RFX6: variants seen among roughly 807,000 people sequenced by gnomAD.
RFX6 encodes DNA-binding protein RFX6.
A neutral mutation model predicts 110.8 loss-of-function variants in RFX6; 50 were observed. That is an observed-to-expected ratio of 0.45 (90% confidence interval 0.36 to 0.57). The LOEUF is 0.57. RFX6 is among the 20% of genes least tolerant of loss of function. RFX6 has a pLI of 0.00. For synonymous variants in RFX6, 383 were observed against 411.2 expected (o/e 0.93, Z 0.83); for missense variants, 990 against 1,127.0 (o/e 0.88, Z 1.74).
At position 116,877,289 on chromosome 6, in the gene RFX6, C is replaced by T. The variant is rs757303099; in HGVS notation, c.14C>T (p.Pro5Leu). 1.2e-6 allele frequency: 2 copies of T among 1,611,032 alleles called. No homozygotes were observed. Among genetic ancestry groups the T allele is most frequent in the Middle Eastern group, 3.3e-4 (2 of 6,034 alleles). MAKV[P>L]ELEDTFLQAQ... ...GCGGCCAGGAGGATGGCCAAGGTCC[C>T]GGAGCTGGAAGACACCTTCCTGCAG... The change falls in exon 1 of 19, where the codon CCG becomes CTG. Residue 5 changes from proline to leucine, a missense_variant. Transcript: ENST00000332958.
At chr6:116,891,362 G>A (rs1050190898) in intron 4 of RFX6, among the ~76,000 whole-genome samples, 1 of 152,140 alleles carries the variant, frequency 6.6e-6, no homozygotes, top group Non-Finnish European at 1.5e-5. Context: ...ATTTTACCAC[G>A]CTGAAAAGAG....
At chr6:116,922,941 A>G (rs975671780) in intron 13 of RFX6, among the ~76,000 whole-genome samples, 166 bp from the exon 14 acceptor site, 1 of 152,244 alleles carries the variant, frequency 6.6e-6, no homozygotes, top group African/African-American at 2.4e-5. Context: ...ATCAGCAAAG[A>G]CAGGCTAACA....
chr6:116,894,558 A>C (rs543493768), intron 5 of RFX6, among the ~76,000 whole-genome samples: 1 of 152,256 alleles, frequency 6.6e-6, no homozygotes, highest in East Asian at 1.9e-4. Flanking sequence ...GGTTTCTATG[A>C]AAGGTAAAAC....
chr6:116,904,702 C>T (rs922244074), intron 6 of RFX6, among the ~76,000 whole-genome samples: 19 of 152,158 alleles, frequency 1.2e-4, no homozygotes, highest in Non-Finnish European at 2.4e-4. Context: ...TGGCCACTAC[C>T]ATTCTACTTT....
At chr6:116,889,295 A>T (rs1260536681) in intron 4 of RFX6, among the ~76,000 whole-genome samples, 1 of 152,176 alleles carries the variant, frequency 6.6e-6, no homozygotes, top group Non-Finnish European at 1.5e-5. Flanking sequence ...TCCTAGAAGA[A>T]CACATTGATT....
intron 6 of RFX6, among the ~76,000 whole-genome samples, chr6:116,901,509 CAACAG>C (rs1775074159): frequency 1.3e-5 from 2 of 152,040 alleles, no homozygotes; most frequent in Non-Finnish European, 2.9e-5. Flanking sequence ...AAAGACAACC[CAACAG>C]AATTATAGCA....
Position 116,882,379 on chromosome 6 carries a change from A to C in RFX6, c.517A>C (p.Lys173Gln), listed in dbSNP as rs1161838140. Residue 173 changes from lysine (K) to glutamine (Q), a missense_variant, in exon 4 of 19, where the codon AAG (lysine) becomes CAG (glutamine). Coordinates refer to ENST00000332958, the MANE Select transcript of RFX6 (RefSeq NM_173560.4). Reference sequence around the variant, plus strand: ...TCTTTCTTTTTAGACAATTCGCCAGAAGTTTCCCCTCCTAACAACAAGGCG... The same window carrying C: ...TCTTTCTTTTTAGACAATTCGCCAGCAGTTTCCCCTCCTAACAACAAGGCG... Reference protein sequence around the residue: ...AATFGKTIRQKFPLLTTRRLG... With the variant: ...AATFGKTIRQQFPLLTTRRLG... 1.2e-6 allele frequency: 2 copies of C among 1,612,710 alleles called. No individual in the cohort carries two copies. Among genetic ancestry groups the C allele is most frequent in the East Asian group, 4.5e-5 (2 of 44,854 alleles).
In RFX6 at chr6:116,877,834, G is replaced by C; in HGVS notation, c.262G>C (p.Glu88Gln). 1 of 1,614,144 alleles carries C rather than the reference G, an allele frequency of 6.2e-7. No individual in the cohort carries two copies. Among genetic ancestry groups the C allele is most frequent in the Non-Finnish European group, 8.5e-7 (1 of 1,180,016 alleles). Reference protein sequence around the residue: ...LNNGNFSSEEEDADNHDSKTK... With the variant: ...LNNGNFSSEEQDADNHDSKTK... ...CAATGGTAACTTTTCCTCTGAAGAA[G>C]AGGACGCCGACAACCACGACAGCAA... is the stretch of plus-strand genomic sequence containing the variant. The change falls in exon 2 of 19, where the codon GAG (glutamate) becomes CAG (glutamine). Residue 88 changes from glutamate (E) to glutamine (Q), a missense_variant. Coordinates refer to ENST00000332958, the MANE Select transcript of RFX6 (RefSeq NM_173560.4).
rs369655782 is a variant in RFX6 at position 116,877,504 on chromosome 6, T to C, written c.223+6T>C. The C allele has an allele frequency of 9.0e-6, 14 of 1,548,554 alleles. No homozygotes were observed. Among genetic ancestry groups the C allele is most frequent in the Admixed American group, 5.9e-5 (3 of 50,878 alleles). ...GCCGGGGGCAGTGAAATCAGGTGAG[T>C]GCTCTGCCGCATCCGGAGCTGGGAA... On this transcript the variant is annotated splice_donor_region_variant and intron_variant, in intron 1 of 18. Transcript: ENST00000332958.
At chr6:116,927,609 C>G in intron 17 of RFX6, 70 bp downstream of exon 17, 1 of 1,260,918 alleles carries the variant, frequency 7.9e-7, no homozygotes, top group Non-Finnish European at 1.1e-6. Flanking sequence ...CATTGCGTTC[C>G]ACCTCTGCTG....
intron 12 of RFX6, 33 bp from the exon 13 acceptor site, chr6:116,922,004 GTTTTC>G: frequency 1.0e-6 from 1 of 958,150 alleles, no homozygotes; most frequent in African/African-American, 1.7e-5. Context: ...ACAATATTCT[GTTTTC>G]TTTTCTTTCT....
At chr6:116,887,506 C>T (rs1774724485) in intron 4 of RFX6, among the ~76,000 whole-genome samples, 1 of 152,138 alleles carries the variant, frequency 6.6e-6, no homozygotes, top group Non-Finnish European at 1.5e-5. Flanking sequence ...TTTAGTTTTA[C>T]TACCAATTCC....
chr6:116,890,473 C>T (rs1454278362), intron 4 of RFX6, among the ~76,000 whole-genome samples: 2 of 152,142 alleles, frequency 1.3e-5, no homozygotes, highest in African/African-American at 4.8e-5. Flanking sequence ...TCCTCTACCT[C>T]TCTTTCAATC....
chr6:116,914,162 A>G (rs574817143), intron 7 of RFX6, among the ~76,000 whole-genome samples: 36 of 152,296 alleles, frequency 2.4e-4, no homozygotes, highest in Non-Finnish European at 2.1e-4. Flanking sequence ...GGTCCCACAT[A>G]TGAGTGAGAT....
At position 116,890,396 on chromosome 6, in the gene RFX6, T is replaced by C. The variant is rs1774802006; in HGVS notation, c.567-3591T>C. ...TGCTTCAATGGTAGCAAATATTAAT[T>C]TGGTATTACAATTCTCTGTTTGCAT... On this transcript the variant is annotated intron_variant, in intron 4 of 18. Coordinates refer to ENST00000332958, the MANE Select transcript of RFX6 (RefSeq NM_173560.4). 2.0e-5 allele frequency among the ~76,000 whole-genome samples: 3 copies of C among 152,116 alleles called. No homozygotes were observed. The South Asian group carries it at 6.2e-4, about 32-fold the overall frequency.
intron 17 of RFX6, 119 bp from the exon 18 acceptor site, chr6:116,928,639 AC>A: frequency 1.4e-6 from 1 of 735,280 alleles, no homozygotes; most frequent in Non-Finnish European, 2.5e-6. Flanking sequence ...GTATAGATAC[AC>A]ATGTAATACT....
chr6:116,929,506 G>A (rs912524389), intron 18 of RFX6, among the ~76,000 whole-genome samples: 1 of 152,018 alleles, frequency 6.6e-6, no homozygotes, highest in African/African-American at 2.4e-5. Context: ...CATTTTTATT[G>A]CTCTCTAACA....
intron 6 of RFX6, among the ~76,000 whole-genome samples, chr6:116,904,671 A>T (rs888669680): frequency 3.9e-5 from 6 of 152,032 alleles, no homozygotes; most frequent in African/African-American, 1.4e-4. Flanking sequence ...AATAACTCCC[A>T]TCTTCCCTCT....
At chr6:116,905,011 G>C (rs1176804712) in intron 6 of RFX6, among the ~76,000 whole-genome samples, 1 of 152,206 alleles carries the variant, frequency 6.6e-6, no homozygotes, top group African/African-American at 2.4e-5. Context: ...TTGAGATCCT[G>C]CTATAATTGT....
Sources: gnomAD v4.1 joint callset for allele counts (sites outside exome capture counted in the v4.1 genomes callset) on GRCh38, gnomAD v4.1.1 for gene constraint, MANE v1.5 for transcripts, NCBI Gene and HGNC (gene_info 2026-07-23, HGNC 2026-07-21) for gene names.